Variants in CORIN observed in about 807,000 individuals in gnomAD.
CORIN encodes the protein corin, serine peptidase.
In CORIN, 117 loss-of-function variants were observed where a neutral mutation model predicts 125.3. That is an observed-to-expected ratio of 0.93 (90% CI 0.80 to 1.09). The LOEUF is 1.09. CORIN is among the 50% of genes least tolerant of loss of function. The pLI is 0.00. For synonymous variants in CORIN, 450 were observed against 466.4 expected, an observed-to-expected ratio of 0.96 and a Z score of 0.45; for missense variants, 1,253 against 1,306.7, an observed-to-expected ratio of 0.96 and a Z score of 0.63.
At chr4:47,688,262 A>G (rs1439676441) in intron 6 of CORIN, among the ~76,000 whole-genome samples, 2 of 151,920 alleles carry the variant, frequency 1.3e-5, no homozygotes. Context: ...GTTTACCTCA[A>G]TTTTTTTGAC....
chr4:47,672,829 A>G (rs1464602629), intron 10 of CORIN, among the ~76,000 whole-genome samples: 2 of 152,004 alleles, frequency 1.3e-5, no homozygotes, highest in Non-Finnish European at 2.9e-5. Flanking sequence ...CCAGGCAAAG[A>G]GTTATTAAAT....
At chr4:47,643,288 A>C (rs1723315083) in intron 14 of CORIN, 32 bp from the exon 15 acceptor site, 1 of 1,558,956 alleles carries the variant, frequency 6.4e-7, no homozygotes, top group Non-Finnish European at 8.7e-7. Flanking sequence ...GAGAAGGAAA[A>C]CATTTTAGAA....
At chr4:47,797,471 C>T (rs1376651497) in intron 2 of CORIN, among the ~76,000 whole-genome samples, 1 of 151,732 alleles carries the variant, frequency 6.6e-6, no homozygotes, top group African/African-American at 2.4e-5. Context: ...GTTACAAATC[C>T]AACTGTTGGT....
In CORIN at chr4:47,653,535, AC is replaced by A; in HGVS notation, c.1843+17del. The A allele has an allele frequency of 1.3e-6, 2 of 1,588,486 alleles. No individual in the cohort carries two copies. Among genetic ancestry groups the A allele is most frequent in the Non-Finnish European group, 1.7e-6 (2 of 1,156,840 alleles). ...TTATCACTGTACATTCAAGAAAAGT[AC>A]CATTGCACATACATACCACAGTTTT... On this transcript the variant is annotated intron_variant, in intron 13 of 21. Coordinates refer to ENST00000273857, the MANE Select transcript of CORIN (RefSeq NM_006587.4).
intron 10 of CORIN, among the ~76,000 whole-genome samples, chr4:47,669,522 C>T (rs1403434069): frequency 1.3e-5 from 2 of 150,932 alleles, no homozygotes; most frequent in Non-Finnish European, 2.9e-5. Flanking sequence ...TATATCTTGT[C>T]TTATCTCAAC....
chr4:47,650,409 C>T (rs1388051179), intron 13 of CORIN, among the ~76,000 whole-genome samples: 1 of 152,212 alleles, frequency 6.6e-6, no homozygotes, highest in Non-Finnish European at 1.5e-5. Context: ...TTTCATGTGA[C>T]TGCTCCACTG....
chr4:47,664,258 A>G (rs1345166156), intron 11 of CORIN, among the ~76,000 whole-genome samples: 1 of 152,216 alleles, frequency 6.6e-6, no homozygotes, highest in Non-Finnish European at 1.5e-5. Flanking sequence ...CCAAGAAGCT[A>G]TTGTGTTCCT....
At chr4:47,691,552 C>A (rs1449807511) in intron 6 of CORIN, among the ~76,000 whole-genome samples, 2 of 151,894 alleles carry the variant, frequency 1.3e-5, no homozygotes, top group African/African-American at 4.8e-5. Context: ...AGATAGTAGG[C>A]AGAATAAAAA....
At chr4:47,715,155 A>C (rs1211720225) in intron 5 of CORIN, among the ~76,000 whole-genome samples, 1 of 152,246 alleles carries the variant, frequency 6.6e-6, no homozygotes, top group Non-Finnish European at 1.5e-5. Context: ...AGAAAATACT[A>C]TGGAAAAGAT....
chr4:47,819,645 G>A (rs760440870), intron 1 of CORIN, among the ~76,000 whole-genome samples: 3 of 152,166 alleles, frequency 2.0e-5, no homozygotes, highest in Non-Finnish European at 4.4e-5. Context: ...GAGGAGAAAT[G>A]ATCCCATTAG....
intron 13 of CORIN, among the ~76,000 whole-genome samples, chr4:47,648,083 T>C (rs1366128200): frequency 6.6e-6 from 1 of 152,190 alleles, no homozygotes; most frequent in Non-Finnish European, 1.5e-5. Flanking sequence ...GAGATATTAG[T>C]TACATGGGAG....
chr4:47,744,309 T>A, intron 5 of CORIN, 93 bp downstream of exon 5: 4 of 1,172,892 alleles, frequency 3.4e-6, no homozygotes, highest in Non-Finnish European at 4.8e-6. Context: ...TTAAAATTTA[T>A]CAGACTGTAC....
chr4:47,748,123 A>G (rs550347075), intron 4 of CORIN, among the ~76,000 whole-genome samples: 2 of 152,308 alleles, frequency 1.3e-5, no homozygotes, highest in Admixed American at 1.3e-4. Context: ...AGGATATGTG[A>G]AATAGTGATG....
chr4:47,682,567 T>A (rs923587304), intron 7 of CORIN: 1 of 151,892 alleles, frequency 6.6e-6, no homozygotes, highest in African/African-American at 2.4e-5. Context: ...TAGTTAATGA[T>A]AATTTATTGC....
At chr4:47,709,085 A>C (rs1457028349) in intron 5 of CORIN, among the ~76,000 whole-genome samples, 2 of 152,072 alleles carry the variant, frequency 1.3e-5, no homozygotes, top group Non-Finnish European at 2.9e-5. Flanking sequence ...CTCCCTTTCC[A>C]TTTGTCGTTA....
chr4:47,599,766 C>G (rs75558747), intron 21 of CORIN, among the ~76,000 whole-genome samples: 1,612 of 152,224 alleles, frequency 0.011, 29 homozygotes, highest in African/African-American at 0.037. Flanking sequence ...CTGTCTCACA[C>G]CCTGGAAGTT....
chr4:47,702,566 A>G (rs1463748786), intron 5 of CORIN, among the ~76,000 whole-genome samples: 6 of 152,176 alleles, frequency 3.9e-5, no homozygotes, highest in Non-Finnish European at 7.4e-5. Flanking sequence ...AACAAATTTC[A>G]TTTTACAAGT....
At chr4:47,826,205 C>T (rs962080795) in intron 1 of CORIN, among the ~76,000 whole-genome samples, 35 of 152,324 alleles carry the variant, frequency 2.3e-4, no homozygotes, top group African/African-American at 7.9e-4. Context: ...AATGCCTACC[C>T]CAGCACAAGC....
intron 10 of CORIN, 137 bp downstream of exon 10, chr4:47,674,256 C>A: frequency 1.5e-6 from 1 of 645,182 alleles, no homozygotes; most frequent in South Asian, 2.0e-5. Flanking sequence ...CCACATGCGA[C>A]CTTTTAAAAA....
Sources: gnomAD v4.1 joint callset for allele counts (sites outside exome capture counted in the v4.1 genomes callset) on GRCh38, gnomAD v4.1.1 for gene constraint, MANE v1.5 for transcripts, NCBI Gene and HGNC (gene_info 2026-07-23, HGNC 2026-07-21) for gene names.